Variants in CD200 observed in about 807,000 individuals in gnomAD.
CD200 encodes OX-2 membrane glycoprotein.
Under a neutral mutation model 30.9 loss-of-function variants are expected in CD200, and 15 were observed. That is an observed-to-expected ratio of 0.49 (90% confidence interval 0.32 to 0.75). The LOEUF (loss-of-function observed/expected upper bound fraction) is 0.75. Among genes scored for constraint, CD200 ranks in the 30% least tolerant of loss-of-function variants. CD200 has a pLI of 0.03. For synonymous variants in CD200, 134 were observed against 126.2 expected, an observed-to-expected ratio of 1.06 and a Z score of -0.41; for missense variants, 262 against 324.2, an observed-to-expected ratio of 0.81 and a Z score of 1.47.
In CD200 at chr3:112,333,183, G is replaced by A. The variant is rs759853559; in HGVS notation, c.-30G>A. ...AGCTCCAGGCGCACATCCGCAGTCA[G>A]CCACCTCGCGCGCGCCTCCAGGAGC... On this transcript the variant is annotated 5_prime_UTR_variant, in exon 1 of 6. Transcript: ENST00000315711. 174 of 1,549,078 alleles carry A rather than the reference G, an allele frequency of 1.1e-4. 1 individual carries two copies. Among genetic ancestry groups the A allele is most frequent in the Non-Finnish European group, 1.5e-4 (167 of 1,146,538 alleles).
chr3:112,350,044 A>G (rs911235424), intron 5 of CD200: 2 of 875,212 alleles, frequency 2.3e-6, no homozygotes. Context: ...AAGATGACTT[A>G]AAAGCTAATG....
rs1040999956 is a variant in CD200 at position 112,361,677 on chromosome 3, T to A, written c.*127T>A. On this transcript the variant is annotated 3_prime_UTR_variant, in exon 6 of 6. Coordinates refer to ENST00000315711, the MANE Select transcript of CD200 (RefSeq NM_005944.7). ...AGCAAAAGAGGTGGGAGCGAAAGCC[T>A]TAAGGATCCCACGACTTTTTACTGC... 1.2e-6 allele frequency: 1 copy of A among 868,832 alleles called. No homozygotes were observed. Among genetic ancestry groups the A allele is most frequent in the African/African-American group, 1.7e-5 (1 of 59,430 alleles). The allele number at this position is 868,832 out of a possible 1,614,324, so 53.8% of individuals were successfully genotyped here. A position where few individuals can be genotyped will look rare whatever the true frequency, so the allele number is the denominator to read the frequency against.
chr3:112,357,269 A>AG, intron 5 of CD200, among the ~76,000 whole-genome samples: 1 of 149,104 alleles, frequency 6.7e-6, no homozygotes, highest in South Asian at 2.1e-4. Context: ...AAAAAAAAAA[A>AG]AAAAAGAAAG....
intron 1 of CD200, chr3:112,333,643 G>T: frequency 1.0e-6 from 1 of 985,394 alleles, no homozygotes; most frequent in Non-Finnish European, 1.2e-6. Context: ...TGCTGTATTG[G>T]TTCCATATTG....
intron 2 of CD200, 44 bp from the exon 3 acceptor site, chr3:112,344,918 G>A (rs115358071): frequency 0.013 from 17,186 of 1,357,222 alleles, 172 homozygotes; most frequent in Non-Finnish European, 0.016. Flanking sequence ...AAGTGTATGT[G>A]TGTTACAATC....
rs2081271925 is a variant in CD200, at chr3:112,342,345, CTTTCTTTCTTTCTTTCT to C, written c.94+1365_94+1381del. 9.8e-3 allele frequency among the ~76,000 whole-genome samples: 114 copies of C among 11,578 alleles called. 7 individuals are homozygous for C. Among genetic ancestry groups the C allele is most frequent in the Middle Eastern group, 0.033 (1 of 30 alleles). 7.6% of individuals were successfully genotyped at this position (11,578 alleles called of 152,430 possible). ...TCTTTCTTTCTTTCTTTCCTTCTTTCTTTCTTTCTTTCTTTCTTTCTTTCTTTCTTTCTTTCTTTCTT... is the reference window on the plus strand; with the variant it reads ...TCTTTCTTTCTTTCTTTCCTTCTTTCTTCTTTCTTTCTTTCTTTCTTTCTT... On this transcript the variant is annotated intron_variant, in intron 2 of 5. Coordinates refer to ENST00000315711, the MANE Select transcript of CD200 (RefSeq NM_005944.7).
chr3:112,358,587 G>C (rs1327575166), intron 5 of CD200, among the ~76,000 whole-genome samples: 1 of 152,200 alleles, frequency 6.6e-6, no homozygotes, highest in East Asian at 1.9e-4. Context: ...TGCGAGTCAA[G>C]GGTAGAGGGA....
intron 5 of CD200, 91 bp downstream of exon 5, chr3:112,349,910 A>T (rs2081498515): frequency 7.1e-7 from 1 of 1,401,390 alleles, no homozygotes; most frequent in African/African-American, 1.5e-5. Context: ...TAAATAAGGG[A>T]ATGGCAACAA....
At position 112,361,595 on chromosome 3, in the gene CD200, A is replaced by C. The variant is rs202117881; in HGVS notation, c.*45A>C. The C allele has an allele frequency of 1.3e-6, 2 of 1,564,820 alleles. No homozygotes were observed. The highest frequency in any genetic ancestry group is 1.8e-6 in the Non-Finnish European group (2 of 1,135,172). Reference sequence around the variant, plus strand: ...GAAAGTGATTCCCTGGTCTACTTGAATTTGACACAAGAGAAAAGCAGGAGG... The same window carrying C: ...GAAAGTGATTCCCTGGTCTACTTGACTTTGACACAAGAGAAAAGCAGGAGG... On this transcript the variant is annotated 3_prime_UTR_variant, in exon 6 of 6. Coordinates refer to ENST00000315711, the MANE Select transcript of CD200 (RefSeq NM_005944.7).
chr3:112,334,047 T>G, intron 1 of CD200: 1 of 985,430 alleles, frequency 1.0e-6, no homozygotes, highest in Non-Finnish European at 1.2e-6. Flanking sequence ...TAGCCAATGA[T>G]TTCACTGTCT....
chr3:112,339,640 G>A (rs1363663383), intron 1 of CD200, among the ~76,000 whole-genome samples: 1 of 152,238 alleles, frequency 6.6e-6, no homozygotes, highest in Non-Finnish European at 1.5e-5. Flanking sequence ...GTAGGAAGCA[G>A]CATGCTTGTC....
intron 5 of CD200, among the ~76,000 whole-genome samples, chr3:112,351,542 C>G (rs1559789608): frequency 6.6e-6 from 1 of 152,122 alleles, no homozygotes; most frequent in Non-Finnish European, 1.5e-5. Flanking sequence ...CAAAAAGAAT[C>G]AGCTTATTTC....
rs867121300 is a variant in CD200, at chr3:112,347,901, G to A, written c.694+71G>A. ...GGACCTGGAAGGCAGTGAATGTCCTGCAGAGGTTTTCAGCCTCTTAGCATA... is the reference window on the plus strand; with the variant it reads ...GGACCTGGAAGGCAGTGAATGTCCTACAGAGGTTTTCAGCCTCTTAGCATA... On this transcript the variant is annotated intron_variant, in intron 4 of 5. Transcript: ENST00000315711. The A allele has an allele frequency of 1.3e-5, 18 of 1,399,498 alleles. No individual in the cohort carries two copies. In the African/African-American group the frequency reaches 1.7e-4, roughly 13 times the overall value. 86.7% of individuals were successfully genotyped at this position (1,399,498 alleles called of 1,614,324 possible).
At chr3:112,358,143 A>C (rs913137858) in intron 5 of CD200, among the ~76,000 whole-genome samples, 15 of 152,148 alleles carry the variant, frequency 9.9e-5, no homozygotes, top group African/African-American at 3.6e-4. Context: ...GGACATGCCA[A>C]TTTACATAAC....
At chr3:112,338,374 A>G (rs1303175164) in intron 1 of CD200, among the ~76,000 whole-genome samples, 1 of 152,230 alleles carries the variant, frequency 6.6e-6, no homozygotes, top group South Asian at 2.1e-4. Flanking sequence ...CATAAATTTA[A>G]TTATTCAGCA....
At chr3:112,339,900 G>A (rs2081199530) in intron 1 of CD200, among the ~76,000 whole-genome samples, 2 of 152,174 alleles carry the variant, frequency 1.3e-5, no homozygotes, top group African/African-American at 4.8e-5. Context: ...TAGCAGTCCT[G>A]TCTCATAGCT....
At chr3:112,341,409 A>C (rs16859476) in intron 2 of CD200, among the ~76,000 whole-genome samples, 16,937 of 152,268 alleles carry the variant, frequency 0.11, 1,129 homozygotes, top group South Asian at 0.27. Flanking sequence ...GAAATGTAGA[A>C]GTTATATAGG....
chr3:112,347,345 A>G (rs1326227113), intron 3 of CD200, among the ~76,000 whole-genome samples: 1 of 152,194 alleles, frequency 6.6e-6, no homozygotes, highest in Non-Finnish European at 1.5e-5. Flanking sequence ...CTTTCTCATC[A>G]CAGGTTTGTA....
At chr3:112,333,321 G>C in intron 1 of CD200, 97 bp downstream of exon 1, 1 of 1,491,956 alleles carries the variant, frequency 6.7e-7, no homozygotes, top group South Asian at 1.3e-5. Context: ...CGGAGCTTCG[G>C]CTCTTGCCAC....
Sources: gnomAD v4.1 joint callset for allele counts (sites outside exome capture counted in the v4.1 genomes callset) on GRCh38, gnomAD v4.1.1 for gene constraint, MANE v1.5 for transcripts, NCBI Gene and HGNC (gene_info 2026-07-23, HGNC 2026-07-21) for gene names.